Variants in ITGAV observed in about 807,000 individuals in gnomAD.
ITGAV encodes integrin subunit alpha V.
In ITGAV, 76 loss-of-function variants were observed where a neutral mutation model predicts 143.8. The observed-to-expected ratio is 0.53, with a 90% CI of 0.44 to 0.64. The LOEUF is 0.64. Among genes scored for constraint, ITGAV ranks in the 30% least tolerant of loss-of-function variants. The pLI is 0.00. For missense variants in ITGAV, 1,193 were observed against 1,274.7 expected (o/e 0.94, Z 0.98); for synonymous variants, 453 against 446.7 (o/e 1.01, Z -0.18).
At chr2:186,638,544 C>T (rs1466491242) in intron 10 of ITGAV, 79 bp downstream of exon 10, 23 of 1,040,842 alleles carry the variant, frequency 2.2e-5, no homozygotes, top group African/African-American at 1.6e-5. Context: ...CGAAATAAAA[C>T]TGTAAAAATG....
rs777542554 is a variant in ITGAV at position 186,676,817 on chromosome 2, C to T, written c.2933C>T (p.Thr978Ile). The T allele has an allele frequency of 2.1e-5, 34 of 1,613,758 alleles. No individual in the cohort carries two copies. Among genetic ancestry groups the T allele is most frequent in the Non-Finnish European group, 2.8e-5 (33 of 1,179,860 alleles). ...IEDITNSTLV[T>I]TNVTWGIQPA... ...AAAAGCTTTTTTCCTCGATAGGTTA[C>T]CACTAATGTCACCTGGGGCATTCAG... The change falls in exon 29 of 30, where the codon ACC (threonine) becomes ATC (isoleucine). Residue 978 changes from threonine to isoleucine, a missense_variant. By Grantham distance (89) the Thr-to-Ile change is moderately conservative. Transcript: ENST00000261023.
chr2:186,602,084 AG>A lies in ITGAV; in HGVS notation c.252del (p.Gln85ArgfsTer44), dbSNP rs1686924203. ...NTTQPGIVEG[G>X]QVLKCDWSST... The stretch of plus-strand genomic sequence containing the variant: ...CCACCCAGCCTGGGATTGTGGAAGG[AG>A]GGCAGGTCCTCAAATGTGACTGGTC... On this transcript the variant is annotated frameshift_variant, in exon 2 of 30. Transcript: ENST00000261023. LOFTEE classifies it high-confidence loss of function. 6.2e-7 allele frequency: 1 copy of A among 1,613,282 alleles called. No homozygotes were observed. The highest frequency in any genetic ancestry group is 1.3e-5 in the African/African-American group (1 of 74,868).
At chr2:186,663,704 A>T in intron 18 of ITGAV, 64 bp from the exon 19 acceptor site, 1 of 1,152,556 alleles carries the variant, frequency 8.7e-7, no homozygotes, top group Non-Finnish European at 1.3e-6. Flanking sequence ...AGATATTGAT[A>T]AACACTGCTT....
chr2:186,605,247 A>G (rs1159117077), intron 2 of ITGAV, among the ~76,000 whole-genome samples: 1 of 152,196 alleles, frequency 6.6e-6, no homozygotes, highest in East Asian at 1.9e-4. Context: ...GATTAAAACA[A>G]TGAGCTCACT....
chr2:186,646,753 A>T lies in ITGAV; in HGVS notation c.1227A>T (p.Arg409Ser). The change falls in exon 13 of 30, where the codon AGA (arginine) becomes AGT (serine). Residue 409 changes from arginine to serine, a missense_variant. By Grantham distance (110) the Arg-to-Ser change is moderately radical. Transcript: ENST00000261023. Reference protein sequence around the residue: ...KKGIVYIFNGRSTGLNAVPSQ... With the variant: ...KKGIVYIFNGSSTGLNAVPSQ... ...GAATTGTTTATATCTTCAATGGAAG[A>T]TCAACAGGCTTGAACGCAGTCCCAT... The T allele has an allele frequency of 6.2e-7, 1 of 1,612,142 alleles. No homozygotes were observed. Among genetic ancestry groups the T allele is most frequent in the Non-Finnish European group, 8.5e-7 (1 of 1,178,734 alleles).
chr2:186,594,917 A>G (rs1412408682), intron 1 of ITGAV, among the ~76,000 whole-genome samples: 1 of 152,200 alleles, frequency 6.6e-6, no homozygotes, highest in Non-Finnish European at 1.5e-5. Context: ...GTTATTTAGA[A>G]AGCAAATCCT....
chr2:186,679,335 A>T lies in ITGAV; in HGVS notation c.*2043A>T, dbSNP rs924391518. ...GTAATCTTGTATTGGAGATTGAAAG[A>T]TGCTGTAATTTAGAAATTAACATGA... On this transcript the variant is annotated 3_prime_UTR_variant, in exon 30 of 30. Transcript: ENST00000261023. The T allele has an allele frequency of 6.6e-6, 1 of 151,998 alleles. No individual in the cohort carries two copies. The highest frequency in any genetic ancestry group is 1.5e-5 in the Non-Finnish European group (1 of 67,864). The allele number at this position is 151,998 out of a possible 1,614,324, so 9.4% of individuals were successfully genotyped here.
At chr2:186,607,104 TG>T (rs372935847) in intron 2 of ITGAV, among the ~76,000 whole-genome samples, 12 of 152,122 alleles carry the variant, frequency 7.9e-5, no homozygotes, top group African/African-American at 2.2e-4. Flanking sequence ...AACATTACCT[TG>T]GGAAAATTAC....
At chr2:186,634,112 A>C (rs1687892074) in intron 6 of ITGAV, among the ~76,000 whole-genome samples, 1 of 152,170 alleles carries the variant, frequency 6.6e-6, no homozygotes, top group Non-Finnish European at 1.5e-5. Context: ...ATAAAGATGC[A>C]TTATTATATT....
intron 2 of ITGAV, 95 bp downstream of exon 2, chr2:186,602,246 A>G (rs1686931264): frequency 1.6e-5 from 15 of 918,358 alleles, no homozygotes; most frequent in Non-Finnish European, 2.4e-5. Context: ...ATACAATTAT[A>G]TAGATAAGCA....
intron 1 of ITGAV, among the ~76,000 whole-genome samples, chr2:186,594,685 A>C (rs1686699998): frequency 6.6e-6 from 1 of 152,216 alleles, no homozygotes; most frequent in African/African-American, 2.4e-5. Flanking sequence ...ACCGCTTAAC[A>C]TGGATTAAGG....
chr2:186,607,852 A>C (rs73979329), intron 2 of ITGAV, among the ~76,000 whole-genome samples: 124 of 152,244 alleles, frequency 8.1e-4, no homozygotes, highest in African/African-American at 2.9e-3. Context: ...CCCTGACGTT[A>C]AGTTGCATTT....
chr2:186,652,452 A>G (rs186339891), intron 15 of ITGAV, among the ~76,000 whole-genome samples: 11 of 152,086 alleles, frequency 7.2e-5, no homozygotes, highest in Admixed American at 6.5e-4. Flanking sequence ...TCAGCCTCCT[A>G]AAGTGCTAGG....
intron 2 of ITGAV, among the ~76,000 whole-genome samples, chr2:186,615,019 G>T (rs1049549683): frequency 2.0e-5 from 3 of 151,904 alleles, no homozygotes; most frequent in African/African-American, 7.2e-5. Flanking sequence ...CTCCCCATTT[G>T]TACCTCCAGC....
chr2:186,646,262 A>G (rs1178119821), intron 12 of ITGAV, among the ~76,000 whole-genome samples: 1 of 152,206 alleles, frequency 6.6e-6, no homozygotes, highest in Non-Finnish European at 1.5e-5. Flanking sequence ...TAAATTATCT[A>G]GAATTTTGAG....
At chr2:186,656,562 A>T (rs1005162849) in intron 17 of ITGAV, among the ~76,000 whole-genome samples, 161 bp downstream of exon 17, 1 of 152,200 alleles carries the variant, frequency 6.6e-6, no homozygotes, top group Non-Finnish European at 1.5e-5. Flanking sequence ...TGAATGATGG[A>T]CTTCTACTTC....
chr2:186,668,897 G>A lies in ITGAV; in HGVS notation c.2569G>A (p.Glu857Lys), dbSNP rs1439203520. 1.9e-6 allele frequency: 3 copies of A among 1,610,746 alleles called. No individual in the cohort carries two copies. The highest frequency in any genetic ancestry group is 2.2e-5 in the East Asian group (1 of 44,714). The change falls in exon 25 of 30, where the codon GAG becomes AAG. Residue 857 changes from glutamate (E) to lysine (K), a missense_variant. Glu to Lys is a moderately conservative substitution (Grantham distance 56). Transcript: ENST00000261023. The stretch of plus-strand genomic sequence containing the variant: ...ACCAATGAACTGCACTTCAGATATG[G>A]AGATCAACCCTTTGAGAATTAAGGT... ...DGPMNCTSDMEINPLRIKISS... is the reference protein window; with the variant it reads ...DGPMNCTSDMKINPLRIKISS...
chr2:186,633,338 G>A lies in ITGAV; in HGVS notation c.595G>A (p.Val199Ile), dbSNP rs202112395. Residue 199 changes from valine (V) to isoleucine (I), a missense_variant, in exon 6 of 30, where the codon GTA becomes ATA. Coordinates refer to ENST00000261023, the MANE Select transcript of ITGAV (RefSeq NM_002210.5). ...FSIDFTKADR[V>I]LLGGPGSFYW... is the part of the protein sequence containing the mutation. Reference sequence around the variant, plus strand: ...GTGTGATTTCATCTAGGCTGACAGAGTACTTCTTGGTGGTCCTGGTAGCTT... The same window carrying A: ...GTGTGATTTCATCTAGGCTGACAGAATACTTCTTGGTGGTCCTGGTAGCTT... 5 of 1,584,914 alleles carry A rather than the reference G, an allele frequency of 3.2e-6. No homozygotes were observed. The highest frequency in any genetic ancestry group is 3.5e-6 in the Non-Finnish European group (4 of 1,159,168).
At position 186,600,399 on chromosome 2, in the gene ITGAV, A is replaced by C. The variant is rs1686867919; in HGVS notation, c.186-1622A>C. ...ATGTTGTGGTGAGTTCCTTAGAAAT[A>C]ACTTCTCTGTCTACTTTATCTAAAA... On this transcript the variant is annotated intron_variant, in intron 1 of 29. Coordinates refer to ENST00000261023, the MANE Select transcript of ITGAV (RefSeq NM_002210.5). 3 of 1,537,294 alleles carry C rather than the reference A, an allele frequency of 2.0e-6. No homozygotes were observed. In the Admixed American group the frequency reaches 5.9e-5, roughly 30 times the overall value.
Sources: gnomAD v4.1 joint callset for allele counts (sites outside exome capture counted in the v4.1 genomes callset) on GRCh38, gnomAD v4.1.1 for gene constraint, MANE v1.5 for transcripts, NCBI Gene and HGNC (gene_info 2026-07-23, HGNC 2026-07-21) for gene names.